CPPED1: variants seen among roughly 807,000 people sequenced by gnomAD.
The protein encoded by CPPED1 is calcineurin like phosphoesterase domain containing 1.
CPPED1 carries 28 observed loss-of-function variants against 28.0 expected under a neutral mutation model. The ratio of observed to expected loss-of-function variants is 1.00; its 90% CI spans 0.74 to 1.37. The LOEUF is 1.37. Ranked by LOEUF, CPPED1 falls within the 40% of genes most tolerant of loss-of-function variation. The pLI is 0.00. For synonymous variants in CPPED1, 198 were observed against 180.2 expected (o/e 1.10, Z -0.79); for missense variants, 504 against 416.5 (o/e 1.21, Z -1.83).
chr16:12,746,118 T>C (rs2080285735), intron 2 of CPPED1: 1 of 152,166 alleles, frequency 6.6e-6, no homozygotes, highest in Non-Finnish European at 1.5e-5. Flanking sequence ...CTCACGCCTG[T>C]AATCCCAACA....
intron 3 of CPPED1, among the ~76,000 whole-genome samples, chr16:12,686,056 T>C (rs1596445471): frequency 6.6e-6 from 1 of 151,886 alleles, no homozygotes; most frequent in East Asian, 1.9e-4. Context: ...TGGCCCTCTG[T>C]CCACACAGAG....
At chr16:12,705,122 C>G in intron 2 of CPPED1, 73 bp from the exon 3 acceptor site, 2 of 1,426,652 alleles carry the variant, frequency 1.4e-6, no homozygotes, top group Non-Finnish European at 1.9e-6. Context: ...TAAGTACTTA[C>G]TAACATAAAA....
chr16:12,673,830 T>G (rs2079864808), intron 3 of CPPED1, among the ~76,000 whole-genome samples: 1 of 152,146 alleles, frequency 6.6e-6, no homozygotes, highest in Non-Finnish European at 1.5e-5. Flanking sequence ...GAGGATCGCT[T>G]GGGGCCAGGA....
At position 12,730,605 on chromosome 16, in the gene CPPED1, G is replaced by T. The variant is rs540956777; in HGVS notation, c.290-25556C>A. 2.6e-5 allele frequency among the ~76,000 whole-genome samples: 4 copies of T among 152,236 alleles called. No homozygotes were observed. In the East Asian group the frequency reaches 5.8e-4, roughly 22 times the overall value. On this transcript the variant is annotated intron_variant, in intron 2 of 3. Coordinates refer to ENST00000381774, the MANE Select transcript of CPPED1 (RefSeq NM_018340.3). ...CTGTTCATTAGATGGTATACTACAT[G>T]GCTATAACACAGAACCAATTGCTGC...
At chr16:12,787,631 T>G (rs1261548402) in intron 1 of CPPED1, among the ~76,000 whole-genome samples, 1 of 151,908 alleles carries the variant, frequency 6.6e-6, no homozygotes, top group African/African-American at 2.4e-5. Context: ...GGTTTTGAAC[T>G]CCTGACCTCG....
chr16:12,795,732 C>CACCCAGGTG (rs771879835), intron 1 of CPPED1, among the ~76,000 whole-genome samples: 23 of 152,198 alleles, frequency 1.5e-4, no homozygotes, highest in Non-Finnish European at 2.1e-4. Flanking sequence ...TGGACAGATA[C>CACCCAGGTG]ACCCAGGTGA....
intron 2 of CPPED1, among the ~76,000 whole-genome samples, chr16:12,728,576 G>C (rs1213612830): frequency 1.3e-5 from 2 of 151,984 alleles, no homozygotes; most frequent in African/African-American, 4.8e-5. Flanking sequence ...ATATACTAGC[G>C]ATCACTCATG....
chr16:12,685,106 G>C (rs1473070774), intron 3 of CPPED1, among the ~76,000 whole-genome samples: 1 of 152,232 alleles, frequency 6.6e-6, no homozygotes, highest in Non-Finnish European at 1.5e-5. Flanking sequence ...CAAATGACAA[G>C]CGACTGCACC....
intron 2 of CPPED1, among the ~76,000 whole-genome samples, chr16:12,750,965 C>T (rs2080324241): frequency 6.6e-6 from 1 of 151,188 alleles, no homozygotes; most frequent in African/African-American, 2.4e-5. Flanking sequence ...AAGACTCTGT[C>T]TCAAAAAAGG....
chr16:12,729,265 G>A (rs868627598), intron 2 of CPPED1, among the ~76,000 whole-genome samples: 1 of 152,246 alleles, frequency 6.6e-6, no homozygotes, highest in Middle Eastern at 3.4e-3. Flanking sequence ...CAAGGGCCAG[G>A]GGAATACCTG....
Position 12,664,886 on chromosome 16 carries a change from T to C in CPPED1, c.945A>G (p.Ter315TrpextTer45). The change falls in exon 4 of 4, where the codon TGA (stop) becomes TGG (tryptophan). Residue 315 changes from the stop codon to tryptophan (W), a stop_lost. Transcript: ENST00000381774. The surrounding 1 kb of genome is among the most constrained non-coding windows in gnomAD (Gnocchi z 4.2). ...AAGTGAACGGGAACGGGAAGGAGCG[T>C]CATTTTTTCTTGATCAAATCCATGA... Reference protein sequence around the residue: ...DDLMDLIKKK* With the variant: ...DDLMDLIKKKW 6.2e-7 allele frequency: 1 copy of C among 1,607,038 alleles called. No homozygotes were observed. Among genetic ancestry groups the C allele is most frequent in the Non-Finnish European group, 8.5e-7 (1 of 1,177,696 alleles).
intron 2 of CPPED1, among the ~76,000 whole-genome samples, chr16:12,749,865 C>T (rs537874286): frequency 6.6e-6 from 1 of 152,298 alleles, no homozygotes; most frequent in African/African-American, 2.4e-5. Context: ...GCTGGGATTA[C>T]ATGCATGAGG....
intron 2 of CPPED1, among the ~76,000 whole-genome samples, chr16:12,775,319 T>C (rs935428692): frequency 6.6e-6 from 1 of 152,128 alleles, no homozygotes; most frequent in Non-Finnish European, 1.5e-5. Context: ...ACGACCCAGT[T>C]CCAGATATTC....
intron 2 of CPPED1, among the ~76,000 whole-genome samples, chr16:12,767,581 C>A (rs1169630631): frequency 6.6e-6 from 1 of 152,058 alleles, no homozygotes; most frequent in Non-Finnish European, 1.5e-5. Flanking sequence ...TGCAAACACA[C>A]TGGACTTTGC....
chr16:12,760,881 T>A (rs1031318524), intron 2 of CPPED1: 1 of 152,214 alleles, frequency 6.6e-6, no homozygotes, highest in Admixed American at 6.6e-5. Context: ...TAACTAGGCA[T>A]CCCCTGCTTC....
intron 2 of CPPED1, among the ~76,000 whole-genome samples, chr16:12,764,576 T>C (rs193008398): frequency 2.0e-5 from 3 of 152,222 alleles, no homozygotes; most frequent in African/African-American, 7.2e-5. Context: ...CTGACCTAAG[T>C]GATCCTTCTG....
chr16:12,669,165 T>C (rs1267521904), intron 3 of CPPED1, among the ~76,000 whole-genome samples: 1 of 152,164 alleles, frequency 6.6e-6, no homozygotes, highest in African/African-American at 2.4e-5. Context: ...GAATAAAGTG[T>C]TGATACAAGC....
intron 3 of CPPED1, among the ~76,000 whole-genome samples, chr16:12,673,305 C>G (rs1238283946): frequency 6.6e-6 from 1 of 152,212 alleles, no homozygotes; most frequent in African/African-American, 2.4e-5. Context: ...CGCGTAAGAT[C>G]AGCCCTGCCT....
In CPPED1 at chr16:12,660,493, CTATATGTG is replaced by C. The variant is rs922733634; in HGVS notation, c.*4385_*4392del. ...CCAAGAAAAGAATCCTCCACTTTTACTATATGTGTGTGTGTGTGTGTGTGTGTGTGTGT... is the reference window on the plus strand; with the variant it reads ...CCAAGAAAAGAATCCTCCACTTTTACTGTGTGTGTGTGTGTGTGTGTGTGT... On this transcript the variant is annotated 3_prime_UTR_variant, in exon 4 of 4. Transcript: ENST00000381774. The C allele has an allele frequency of 4.4e-5, 6 of 136,646 alleles. No individual in the cohort carries two copies. The highest frequency in any genetic ancestry group is 1.8e-4 in the African/African-American group (6 of 33,996). 8.5% of individuals were successfully genotyped at this position (136,646 alleles called of 1,614,324 possible).
Sources: allele counts gnomAD v4.1 joint callset (sites outside exome capture counted in the v4.1 genomes callset), GRCh38; gene constraint gnomAD v4.1.1; non-coding constraint Gnocchi (gnomAD v3.1); transcripts MANE v1.5; gene names NCBI Gene and HGNC (gene_info 2026-07-23, HGNC 2026-07-21).